Variants in ABCC1 observed in about 807,000 individuals in gnomAD.
ABCC1 encodes the protein ATP binding cassette subfamily C member 1 (ABCC1 blood group), also known as multidrug resistance-associated protein 1.
In ABCC1, 83 loss-of-function variants were observed where a neutral mutation model predicts 172.9. That is an observed-to-expected ratio of 0.48 (90% confidence interval 0.40 to 0.58). ABCC1 has a LOEUF of 0.58. ABCC1 is among the 20% of genes least tolerant of loss of function. The pLI is 0.00. For missense variants in ABCC1, 1,817 were observed against 2,002.7 expected (o/e 0.91, Z 1.77); for synonymous variants, 937 against 825.2 (o/e 1.14, Z -2.32).
At chr16:16,124,407 GTGTATGTGTGT>G (rs2045341817) in intron 24 of ABCC1, among the ~76,000 whole-genome samples, 1 of 149,706 alleles carries the variant, frequency 6.7e-6, no homozygotes, top group Non-Finnish European at 1.5e-5. Flanking sequence ...GTGTGTGTGT[GTGTATGTGTGT>G]GTGTGTGATT....
intron 6 of ABCC1, among the ~76,000 whole-genome samples, chr16:16,034,023 CT>C (rs10580146): frequency 0.014 from 1,177 of 86,798 alleles, 8 homozygotes; most frequent in African/African-American, 0.042. Context: ...TAAGCATCAT[CT>C]TTTTTTTTTT....
chr16:16,068,407 C>T (rs35606), intron 13 of ABCC1, 105 bp downstream of exon 13: 157,791 of 1,377,300 alleles, frequency 0.11, 9,526 homozygotes, highest in East Asian at 0.15. Flanking sequence ...CACTCCCGGT[C>T]GGGCTCCATG....
rs185353761 is a variant in ABCC1, at chr16:15,976,215, C to T, written c.48+26416C>T. Among the ~76,000 whole-genome samples the T allele has an allele frequency of 6.6e-5, 10 of 152,166 alleles. No homozygotes were observed. The East Asian group carries it at 1.6e-3, about 24-fold the overall frequency. On this transcript the variant is annotated intron_variant, in intron 1 of 30. Transcript: ENST00000399410. The stretch of plus-strand genomic sequence containing the variant: ...CTGGGAGGCAGACATTGCAGTGAGC[C>T]GAGATTGCACTACTGCACTCCAGCC...
intron 18 of ABCC1, 61 bp downstream of exon 18, chr16:16,087,052 C>T (rs2051037740): frequency 1.3e-5 from 20 of 1,582,580 alleles, no homozygotes; most frequent in East Asian, 4.5e-5. Flanking sequence ...TAAGTCAGAA[C>T]GTGTCCCCTT....
At chr16:15,962,465 C>G (rs951842138) in intron 1 of ABCC1, among the ~76,000 whole-genome samples, 3 of 152,130 alleles carry the variant, frequency 2.0e-5, no homozygotes, top group African/African-American at 7.2e-5. Flanking sequence ...AAAGCCTGAA[C>G]ATGGTACTGA....
intron 5 of ABCC1, among the ~76,000 whole-genome samples, chr16:16,018,365 A>G (rs1285819785): frequency 6.6e-6 from 1 of 152,094 alleles, no homozygotes. Context: ...CCCAGCCAAC[A>G]TGGTGAAATG....
At chr16:15,986,497 A>G (rs2046747158) in intron 1 of ABCC1, among the ~76,000 whole-genome samples, 1 of 152,154 alleles carries the variant, frequency 6.6e-6, no homozygotes, top group Non-Finnish European at 1.5e-5. Flanking sequence ...CGTGAACCCT[A>G]ACGTGAACCG....
intron 1 of ABCC1, among the ~76,000 whole-genome samples, chr16:16,005,134 C>T (rs4781710): frequency 0.5 from 73,401 of 147,944 alleles, 19,102 homozygotes; most frequent in Non-Finnish European, 0.59. Context: ...TTCCTTGACA[C>T]TCCATGGGGG....
At chr16:16,118,319 C>T (rs941064255) in intron 23 of ABCC1, among the ~76,000 whole-genome samples, 8 of 152,038 alleles carry the variant, frequency 5.3e-5, no homozygotes, top group African/African-American at 1.9e-4. Context: ...CCCTGCGCCC[C>T]ACCACACTGT....
At position 16,132,014 on chromosome 16, in the gene ABCC1, G is replaced by A. The variant is rs28364009; in HGVS notation, c.3966+79G>A. 1.2e-5 allele frequency: 19 copies of A among 1,542,244 alleles called. No homozygotes were observed. The African/African-American group carries it at 2.6e-4, about 21-fold the overall frequency. ...CATCGGGCAGGTGAACCTAGCTGCA[G>A]CGTCTCCCCAGTCACTCACGGCTCC... On this transcript the variant is annotated intron_variant, in intron 27 of 30. Coordinates refer to ENST00000399410, the MANE Select transcript of ABCC1 (RefSeq NM_004996.4).
intron 27 of ABCC1, among the ~76,000 whole-genome samples, 196 bp from the exon 28 acceptor site, chr16:16,134,154 G>A (rs952146326): frequency 6.6e-6 from 1 of 152,164 alleles, no homozygotes; most frequent in Admixed American, 6.6e-5. Context: ...CTGGCAAAGG[G>A]AAGAGAGTCC....
At chr16:16,016,729 C>T in intron 5 of ABCC1, 108 bp downstream of exon 5, 1 of 1,473,058 alleles carries the variant, frequency 6.8e-7, no homozygotes, top group Admixed American at 1.9e-5. Flanking sequence ...TTCCAGCCTC[C>T]CTCAACCCCT....
At chr16:16,008,618 G>T (rs1465208734) in intron 2 of ABCC1, among the ~76,000 whole-genome samples, 1 of 151,704 alleles carries the variant, frequency 6.6e-6, no homozygotes, top group East Asian at 2.0e-4. Context: ...ACTTTGGGAG[G>T]CCAAGGCGGG....
At chr16:16,074,305 A>T (rs1249751531) in intron 14 of ABCC1, among the ~76,000 whole-genome samples, 2 of 152,124 alleles carry the variant, frequency 1.3e-5, no homozygotes, top group African/African-American at 4.8e-5. Flanking sequence ...GCCCAAGTGG[A>T]TGCTGGACTC....
intron 19 of ABCC1, among the ~76,000 whole-genome samples, chr16:16,101,020 T>TA (rs1567403691): frequency 6.6e-6 from 1 of 151,920 alleles, no homozygotes; most frequent in African/African-American, 2.4e-5. Flanking sequence ...TTTAGATTTT[T>TA]TTTTTATTTT....
chr16:15,973,574 G>A (rs1206621083), intron 1 of ABCC1, among the ~76,000 whole-genome samples: 1 of 152,140 alleles, frequency 6.6e-6, no homozygotes, highest in East Asian at 1.9e-4. Flanking sequence ...CATCGTGATT[G>A]TGTTTTCTCC....
chr16:16,129,898 C>T (rs1567437985), intron 26 of ABCC1, among the ~76,000 whole-genome samples: 1 of 152,268 alleles, frequency 6.6e-6, no homozygotes, highest in East Asian at 1.9e-4. Flanking sequence ...AGTTGCCCGG[C>T]GTTTTCTTGT....
At position 16,143,042 on chromosome 16, in the gene ABCC1, T is replaced by A. The variant is rs574411194; in HGVS notation, c.*1761T>A. On this transcript the variant is annotated 3_prime_UTR_variant, in exon 31 of 31. Coordinates refer to ENST00000399410, the MANE Select transcript of ABCC1 (RefSeq NM_004996.4). ...TGCGAACATTTGCAGTAAAAAAATA[T>A]ATATATATCTATATATTTTATTTCT... 2 of 152,228 alleles carry A rather than the reference T, an allele frequency of 1.3e-5. No homozygotes were observed. The highest frequency in any genetic ancestry group is 4.8e-5 in the African/African-American group (2 of 41,558). The allele number at this position is 152,228 out of a possible 1,614,324, so 9.4% of individuals were successfully genotyped here.
chr16:15,971,809 G>T (rs539251489), intron 1 of ABCC1, among the ~76,000 whole-genome samples: 36 of 152,262 alleles, frequency 2.4e-4, no homozygotes, highest in Non-Finnish European at 4.3e-4. Context: ...TCCGATGAGT[G>T]GGGGAACACC....
Sources: allele counts gnomAD v4.1 joint callset (sites outside exome capture counted in the v4.1 genomes callset), GRCh38; gene constraint gnomAD v4.1.1; transcripts MANE v1.5; gene names NCBI Gene and HGNC (gene_info 2026-07-23, HGNC 2026-07-21).